Variants in PALLD observed in about 807,000 individuals in gnomAD.
The protein encoded by PALLD is palladin, cytoskeletal associated protein, also known as palladin.
In PALLD, 61 loss-of-function variants were observed where a neutral mutation model predicts 123.5. The observed-to-expected ratio is 0.49, with a 90% CI of 0.40 to 0.61. The LOEUF is 0.61. Among genes scored for constraint, PALLD ranks in the 20% least tolerant of loss-of-function variants. The probability of loss-of-function intolerance (pLI) is 0.00; values close to 1 mark genes in which losing one functional copy is unlikely to be tolerated. For synonymous variants in PALLD, 465 were observed against 496.4 expected, an observed-to-expected ratio of 0.94 and a Z score of 0.84; for missense variants, 1,273 against 1,377.0, an observed-to-expected ratio of 0.92 and a Z score of 1.20.
At chr4:168,732,202 T>G (rs1459700865) in intron 10 of PALLD, among the ~76,000 whole-genome samples, 1 of 152,230 alleles carries the variant, frequency 6.6e-6, no homozygotes, top group Non-Finnish European at 1.5e-5. Context: ...CAAATCCCTA[T>G]TCCACAATAT....
intron 10 of PALLD, among the ~76,000 whole-genome samples, chr4:168,714,256 A>C (rs1048475135): frequency 1.3e-5 from 2 of 152,078 alleles, no homozygotes; most frequent in Admixed American, 6.5e-5. Context: ...GGTATGGTGT[A>C]TTATCAGAGC....
At chr4:168,783,696 C>G (rs575906135) in intron 10 of PALLD, among the ~76,000 whole-genome samples, 1 of 152,148 alleles carries the variant, frequency 6.6e-6, no homozygotes, top group Non-Finnish European at 1.5e-5. Context: ...TGGAGTTGTT[C>G]CTGACAAAGA....
intron 10 of PALLD, among the ~76,000 whole-genome samples, chr4:168,775,538 T>C (rs1209237093): frequency 1.3e-5 from 2 of 152,222 alleles, no homozygotes; most frequent in Admixed American, 1.3e-4. Context: ...GTTTTTAATT[T>C]TGATGAAGTC....
At chr4:168,681,683 T>G (rs1781569588) in intron 4 of PALLD, among the ~76,000 whole-genome samples, 1 of 151,734 alleles carries the variant, frequency 6.6e-6, no homozygotes. Context: ...TAGCTGGGAT[T>G]ATAGGCATAC....
At chr4:168,803,590 A>G (rs1004873570) in intron 10 of PALLD, among the ~76,000 whole-genome samples, 1 of 151,232 alleles carries the variant, frequency 6.6e-6, no homozygotes, top group African/African-American at 2.4e-5. Context: ...GGAGGCTGAC[A>G]TGGGAAGATG....
intron 2 of PALLD, among the ~76,000 whole-genome samples, chr4:168,577,486 G>A (rs905973223): frequency 1.3e-5 from 2 of 152,058 alleles, no homozygotes; most frequent in South Asian, 4.1e-4. Context: ...AAAAATGCAT[G>A]ACATTCACAG....
At position 168,924,344 on chromosome 4, in the gene PALLD, G is replaced by A; in HGVS notation, c.3148G>A (p.Val1050Ile). 6.2e-7 allele frequency: 1 copy of A among 1,613,930 alleles called. No homozygotes were observed. Among genetic ancestry groups the A allele is most frequent in the South Asian group, 1.1e-5 (1 of 91,076 alleles). ...GTACCCAGTGCGGCTGGAATGTCGT[G>A]TATTGGGAGTGCCACCACCTCAGAT... ...DGYPVRLECR[V>I]LGVPPPQIFW... Residue 1050 changes from valine to isoleucine, a missense_variant, in exon 19 of 22, where the codon GTA becomes ATA. Val to Ile is a conservative substitution (Grantham distance 29). This residue lies in a region of PALLD where 329 missense variants were observed against 422.5 expected (regional missense o/e 0.78). Transcript: ENST00000505667.
chr4:168,879,504 A>G (rs1200436887), intron 10 of PALLD, among the ~76,000 whole-genome samples: 1 of 152,254 alleles, frequency 6.6e-6, no homozygotes, highest in East Asian at 1.9e-4. Context: ...TCTACTAAAC[A>G]GTAAAAAGGA....
At chr4:168,843,770 G>A (rs1746394635) in intron 10 of PALLD, among the ~76,000 whole-genome samples, 1 of 152,126 alleles carries the variant, frequency 6.6e-6, no homozygotes, top group Non-Finnish European at 1.5e-5. Flanking sequence ...AATGATGTCA[G>A]CCAAGGATGG....
chr4:168,800,312 C>A (rs1279043334), intron 10 of PALLD, among the ~76,000 whole-genome samples: 3 of 151,988 alleles, frequency 2.0e-5, no homozygotes, highest in Non-Finnish European at 4.4e-5. Flanking sequence ...TATTAAAAGA[C>A]AAGTCATAGG....
chr4:168,588,400 A>C (rs1031102169), intron 2 of PALLD, among the ~76,000 whole-genome samples: 4 of 150,952 alleles, frequency 2.6e-5, no homozygotes, highest in African/African-American at 7.3e-5. Context: ...AAATAGTTTC[A>C]GATACTTTTT....
chr4:168,747,402 A>G (rs564123631), intron 10 of PALLD, among the ~76,000 whole-genome samples: 4 of 152,384 alleles, frequency 2.6e-5, no homozygotes, highest in African/African-American at 9.6e-5. Context: ...AAGAGAGAAC[A>G]GTAAAGGCAA....
In PALLD at chr4:168,537,352, A is replaced by G. The variant is rs1765198483; in HGVS notation, c.908+24940A>G. 3.3e-5 allele frequency among the ~76,000 whole-genome samples: 5 copies of G among 152,338 alleles called. No individual in the cohort carries two copies. The South Asian group carries it at 8.3e-4, about 25-fold the overall frequency. On this transcript the variant is annotated intron_variant, in intron 2 of 21. Coordinates refer to ENST00000505667, the MANE Select transcript of PALLD (RefSeq NM_001166108.2). Reference sequence around the variant, plus strand: ...ATAACATACTTTTGGTTACACAAACATACTGCTAAAAAATTGTATTTTCAA... The same window carrying G: ...ATAACATACTTTTGGTTACACAAACGTACTGCTAAAAAATTGTATTTTCAA...
At position 168,844,580 on chromosome 4, in the gene PALLD, G is replaced by C. The variant is rs1746527921; in HGVS notation, c.1965-46342G>C. 1.3e-5 allele frequency: 2 copies of C among 152,128 alleles called. No homozygotes were observed. The highest frequency in any genetic ancestry group is 6.5e-5 in the Admixed American group (1 of 15,268). 9.4% of individuals were successfully genotyped at this position (152,128 alleles called of 1,614,324 possible). A position where few individuals can be genotyped will look rare whatever the true frequency, so the allele number is the denominator to read the frequency against. On this transcript the variant is annotated intron_variant, in intron 10 of 21. Coordinates refer to ENST00000505667, the MANE Select transcript of PALLD (RefSeq NM_001166108.2). This position sits in a 1 kb window ranked among gnomAD's most constrained non-coding sequence, Gnocchi z 4.5. Reference sequence around the variant, plus strand: ...AACTGTGCCATCAGCGCAAGACCCTGTGATTTCTGTGGTATTCTAATTTTA... The same window carrying C: ...AACTGTGCCATCAGCGCAAGACCCTCTGATTTCTGTGGTATTCTAATTTTA...
chr4:168,638,599 G>A (rs1311466880), intron 2 of PALLD, among the ~76,000 whole-genome samples: 1 of 152,150 alleles, frequency 6.6e-6, no homozygotes, highest in Non-Finnish European at 1.5e-5. Context: ...AGTTCTGAAG[G>A]CTGAAAAGTC....
chr4:168,564,445 A>C (rs1768172642), intron 2 of PALLD, among the ~76,000 whole-genome samples: 1 of 152,254 alleles, frequency 6.6e-6, no homozygotes, highest in African/African-American at 2.4e-5. Flanking sequence ...TCTATGACAT[A>C]ACACTGTTAG....
rs72973269 is a variant in PALLD, at chr4:168,824,063, A to G, written c.1965-66859A>G. ...ATAAGCTAATGAACAAAATGCAACA[A>G]TGGGCCCAAACATGCATATACCCAT... is the stretch of plus-strand genomic sequence containing the variant. On this transcript the variant is annotated intron_variant, in intron 10 of 21. Coordinates refer to ENST00000505667, the MANE Select transcript of PALLD (RefSeq NM_001166108.2). Among the ~76,000 whole-genome samples the G allele has an allele frequency of 6.5e-3, 995 of 152,334 alleles. 10 individuals carry two copies. The highest frequency in any genetic ancestry group is 0.022 in the African/African-American group (924 of 41,586).
chr4:168,676,380 A>C (rs1780831462), intron 3 of PALLD, among the ~76,000 whole-genome samples: 4 of 152,086 alleles, frequency 2.6e-5, no homozygotes, highest in Admixed American at 1.3e-4. Context: ...GAGGAAAAGA[A>C]GTAAATAATA....
intron 2 of PALLD, 126 bp from the exon 3 acceptor site, chr4:168,668,061 CATT>C: frequency 2.7e-6 from 2 of 750,954 alleles, no homozygotes; most frequent in Middle Eastern, 2.4e-4. Context: ...GTAACACTGA[CATT>C]GTTTTTTTTT....
Sources: allele counts gnomAD v4.1 joint callset (sites outside exome capture counted in the v4.1 genomes callset), GRCh38; gene constraint gnomAD v4.1.1; regional missense constraint gnomAD v4.1.1; non-coding constraint Gnocchi (gnomAD v3.1); transcripts MANE v1.5; gene names NCBI Gene and HGNC (gene_info 2026-07-23, HGNC 2026-07-21).